The following LIN7A variants were observed in gnomAD, a reference collection of about 807,000 sequenced individuals.
The protein encoded by LIN7A is protein lin-7 homolog A.
Under a neutral mutation model 29.8 loss-of-function variants are expected in LIN7A, and 25 were observed. The observed-to-expected ratio is 0.84, with a 90% confidence interval of 0.61 to 1.17. The LOEUF (loss-of-function observed/expected upper bound fraction) is 1.17. Ranked by LOEUF, LIN7A falls within the 50% of genes most tolerant of loss-of-function variation. The probability of loss-of-function intolerance (pLI) is 0.00; values close to 1 mark genes in which losing one functional copy is unlikely to be tolerated. For synonymous variants in LIN7A, 118 were observed against 107.5 expected (o/e 1.10, Z -0.60); for missense variants, 239 against 287.0 (o/e 0.83, Z 1.21).
intron 2 of LIN7A, among the ~76,000 whole-genome samples, chr12:80,858,578 T>C (rs923363300): frequency 7.9e-5 from 12 of 152,022 alleles, no homozygotes; most frequent in African/African-American, 2.9e-4. Flanking sequence ...CTTGTCCTTG[T>C]TACACAGTCA....
At chr12:80,896,868 C>G (rs1305605808) in intron 1 of LIN7A, among the ~76,000 whole-genome samples, 5 of 152,042 alleles carry the variant, frequency 3.3e-5, no homozygotes, top group Admixed American at 3.3e-4. Flanking sequence ...ATATATGATA[C>G]AAAATGAAAA....
intron 2 of LIN7A, among the ~76,000 whole-genome samples, chr12:80,873,381 A>C (rs983336822): frequency 6.6e-6 from 1 of 151,718 alleles, no homozygotes; most frequent in Non-Finnish European, 1.5e-5. Context: ...AATTTTTAAA[A>C]ATTAAGTGGG....
chr12:80,920,126 C>T (rs1463389018), intron 1 of LIN7A, among the ~76,000 whole-genome samples: 1 of 152,126 alleles, frequency 6.6e-6, no homozygotes, highest in Non-Finnish European at 1.5e-5. Flanking sequence ...GACCAGTCTC[C>T]GTCCCAACTA....
In LIN7A at chr12:80,899,765, C is replaced by CTTTTTTTTTTTTTTTTTTTTTTTTT. The variant is rs760389788; in HGVS notation, c.83-10397_83-10396insAAAAAAAAAAAAAAAAAAAAAAAAA. ...CATTTCCTCTAGGTTTTCTTTTTTT[C>CTTTTTTTTTTTTTTTTTTTTTTTTT]TTTTCTTTTTTTTTTTTTTTTGAGA... On this transcript the variant is annotated intron_variant, in intron 1 of 5. Coordinates refer to ENST00000552864, the MANE Select transcript of LIN7A (RefSeq NM_004664.4). 1.1e-4 allele frequency among the ~76,000 whole-genome samples: 12 copies of CTTTTTTTTTTTTTTTTTTTTTTTTT among 109,992 alleles called. 2 individuals carry two copies. The highest frequency in any genetic ancestry group is 9.8e-5 in the Non-Finnish European group (5 of 51,268). The allele number at this position is 109,992 out of a possible 152,430, so 72.2% of individuals were successfully genotyped here. A position where few individuals can be genotyped will look rare whatever the true frequency, so the allele number is the denominator to read the frequency against.
At chr12:80,937,583 G>C (rs1264508226) in intron 1 of LIN7A, 58 bp downstream of exon 1, 3 of 1,251,808 alleles carry the variant, frequency 2.4e-6, no homozygotes, top group Non-Finnish European at 3.2e-6. Context: ...ATTGGCAGGC[G>C]GGGAAGGGAG....
intron 5 of LIN7A, among the ~76,000 whole-genome samples, chr12:80,807,084 T>TTGTTTTG (rs1871070949): frequency 7.7e-6 from 1 of 129,216 alleles, no homozygotes; most frequent in African/African-American, 2.7e-5. Context: ...TTTTTTTTTT[T>TTGTTTTG]TTTTTTTGAC....
At chr12:80,870,310 A>T (rs952962315) in intron 2 of LIN7A, among the ~76,000 whole-genome samples, 9 of 152,214 alleles carry the variant, frequency 5.9e-5, no homozygotes, top group African/African-American at 1.9e-4. Context: ...TACAAAATGA[A>T]CGACTCCTCT....
intron 5 of LIN7A, among the ~76,000 whole-genome samples, chr12:80,803,824 A>T (rs1472596350): frequency 6.6e-6 from 1 of 152,202 alleles, no homozygotes; most frequent in Non-Finnish European, 1.5e-5. Context: ...AGTATGGGGT[A>T]CTATTTTAAA....
At chr12:80,894,553 G>A (rs909499166) in intron 1 of LIN7A, among the ~76,000 whole-genome samples, 8 of 152,052 alleles carry the variant, frequency 5.3e-5, no homozygotes, top group African/African-American at 1.9e-4. Context: ...TTTGGATTGC[G>A]ATTGACTGAG....
intron 3 of LIN7A, among the ~76,000 whole-genome samples, chr12:80,847,536 T>A (rs1873134868): frequency 6.6e-6 from 1 of 152,140 alleles, no homozygotes; most frequent in East Asian, 1.9e-4. Context: ...ATTAGAAAAA[T>A]AAAGTATTTT....
At chr12:80,856,327 T>C (rs1010109495) in intron 2 of LIN7A, among the ~76,000 whole-genome samples, 2 of 152,096 alleles carry the variant, frequency 1.3e-5, no homozygotes, top group Non-Finnish European at 2.9e-5. Flanking sequence ...AAGGACAACA[T>C]CTTTGTTAGG....
rs1296339857 is a variant in LIN7A, at chr12:80,845,804, T to C, written c.409A>G (p.Ile137Val). 2.5e-6 allele frequency: 4 copies of C among 1,613,938 alleles called. No homozygotes were observed. The African/African-American group carries it at 5.3e-5, about 22-fold the overall frequency. Residue 137 changes from isoleucine to valine, a missense_variant, in exon 4 of 6, where the codon ATA becomes GTA. Physicochemically the swap from Ile to Val is conservative, Grantham distance 29 (BLOSUM62 3). Transcript: ENST00000552864. Reference sequence around the variant, plus strand: ...CTTTCAGCCACCCCTCCAGGAATTATGCGAGAGATATAAATGGGGGAATTT... The same window carrying C: ...CTTTCAGCCACCCCTCCAGGAATTACGCGAGAGATATAAATGGGGGAATTT... ...EQNSPIYISR[I>V]IPGGVAERHG...
At chr12:80,901,965 A>T (rs534999500) in intron 1 of LIN7A, among the ~76,000 whole-genome samples, 2 of 152,220 alleles carry the variant, frequency 1.3e-5, no homozygotes, top group East Asian at 3.9e-4. Context: ...TGAATAGTGC[A>T]TCTATTTTAT....
chr12:80,933,809 C>T lies in LIN7A; in HGVS notation c.82+3832G>A, dbSNP rs547886409. Among the ~76,000 whole-genome samples, 9 of 152,200 alleles carry T rather than the reference C, an allele frequency of 5.9e-5. No homozygotes were observed. In the South Asian group the frequency reaches 1.4e-3, roughly 25 times the overall value. On this transcript the variant is annotated intron_variant, in intron 1 of 5. Coordinates refer to ENST00000552864, the MANE Select transcript of LIN7A (RefSeq NM_004664.4). ...ACTCAGGAGGGTGTTCCTTTACTAACACATCTAAAACAGCAGCCCCCATTT... is the reference window on the plus strand; with the variant it reads ...ACTCAGGAGGGTGTTCCTTTACTAATACATCTAAAACAGCAGCCCCCATTT...
At chr12:80,916,814 G>GAGA (rs34107001) in intron 1 of LIN7A, among the ~76,000 whole-genome samples, 41,736 of 151,734 alleles carry the variant, frequency 0.28, 8,352 homozygotes, top group African/African-American at 0.56. Context: ...GCCAGATAAA[G>GAGA]AGAAGAAGAA....
chr12:80,892,926 C>T (rs761251109), intron 1 of LIN7A, among the ~76,000 whole-genome samples: 9 of 152,050 alleles, frequency 5.9e-5, no homozygotes, highest in South Asian at 2.1e-4. Flanking sequence ...GTTCTAAACA[C>T]GAATGTGTTT....
At chr12:80,879,116 G>A (rs926238114) in intron 2 of LIN7A, among the ~76,000 whole-genome samples, 6 of 152,254 alleles carry the variant, frequency 3.9e-5, no homozygotes, top group Non-Finnish European at 8.8e-5. Flanking sequence ...CTTTCATGTA[G>A]ATGCAATCTA....
intron 4 of LIN7A, 69 bp downstream of exon 4, chr12:80,845,661 A>G: frequency 8.0e-7 from 1 of 1,249,864 alleles, no homozygotes; most frequent in Non-Finnish European, 1.1e-6. Flanking sequence ...CGTTGACTTC[A>G]GTAATAGCAG....
chr12:80,865,263 G>T (rs1473188489), intron 2 of LIN7A, among the ~76,000 whole-genome samples: 1 of 152,016 alleles, frequency 6.6e-6, no homozygotes, highest in Admixed American at 6.5e-5. Context: ...CAAAATTAAA[G>T]AAATTCTACA....
Sources: gnomAD v4.1 joint callset for allele counts (sites outside exome capture counted in the v4.1 genomes callset) on GRCh38, gnomAD v4.1.1 for gene constraint, MANE v1.5 for transcripts, NCBI Gene and HGNC (gene_info 2026-07-23, HGNC 2026-07-21) for gene names.